Variants in PLD5 observed in about 807,000 individuals in gnomAD.
PLD5 encodes the protein phospholipase D family member 5.
PLD5 carries 36 observed loss-of-function variants against 61.1 expected under a neutral mutation model. That is an observed-to-expected ratio of 0.59 (90% CI 0.45 to 0.78). PLD5 has a LOEUF of 0.78. Among genes scored for constraint, PLD5 ranks in the 30% least tolerant of loss-of-function variants. The pLI, the probability that PLD5 is intolerant of heterozygous loss-of-function variation, is 0.00. For synonymous variants in PLD5, 243 were observed against 242.8 expected, an observed-to-expected ratio of 1.00 and a Z score of -0.01; for missense variants, 515 against 644.4, an observed-to-expected ratio of 0.80 and a Z score of 2.17.
At chr1:242,118,783 CCTGGGGGCTGAGTGGT>C (rs1246739619) in intron 6 of PLD5, among the ~76,000 whole-genome samples, 1 of 152,196 alleles carries the variant, frequency 6.6e-6, no homozygotes, top group Non-Finnish European at 1.5e-5. Flanking sequence ...TCCCCTTGCA[CCTGGGGGCTGAGTGGT>C]ACTTTGCTAT....
At chr1:242,523,278 T>G (rs1436405946) in intron 1 of PLD5, among the ~76,000 whole-genome samples, 1 of 152,168 alleles carries the variant, frequency 6.6e-6, no homozygotes, top group East Asian at 1.9e-4. Flanking sequence ...TTTTAACATT[T>G]GGTTTAAGAA....
At chr1:242,121,844 G>A (rs1029812386) in intron 6 of PLD5, among the ~76,000 whole-genome samples, 1 of 148,466 alleles carries the variant, frequency 6.7e-6, no homozygotes, top group Non-Finnish European at 1.5e-5. Flanking sequence ...CGCAAGGACA[G>A]AAAACCAAAC....
intron 1 of PLD5, among the ~76,000 whole-genome samples, chr1:242,502,234 C>G (rs1668577534): frequency 6.6e-6 from 1 of 152,164 alleles, no homozygotes; most frequent in South Asian, 2.1e-4. Flanking sequence ...TCACCGTGCC[C>G]CTCAAACTCT....
chr1:242,451,751 C>A (rs981636429), intron 1 of PLD5, among the ~76,000 whole-genome samples: 1 of 152,064 alleles, frequency 6.6e-6, no homozygotes, highest in Admixed American at 6.6e-5. Context: ...TGAGCCACCG[C>A]GCCCAGTCTA....
chr1:242,465,122 T>C (rs937844026), intron 1 of PLD5, among the ~76,000 whole-genome samples: 11 of 152,224 alleles, frequency 7.2e-5, no homozygotes, highest in African/African-American at 2.4e-4. Context: ...AATTGTACAT[T>C]GAAATGGCTC....
intron 4 of PLD5, among the ~76,000 whole-genome samples, chr1:242,247,100 C>T (rs1217084304): frequency 6.6e-6 from 1 of 151,800 alleles, no homozygotes; most frequent in East Asian, 1.9e-4. Context: ...TCTCCTGCCT[C>T]AGCCTCCCGT....
At chr1:242,435,678 G>T (rs1479900838) in intron 1 of PLD5, among the ~76,000 whole-genome samples, 1 of 152,168 alleles carries the variant, frequency 6.6e-6, no homozygotes, top group Admixed American at 6.6e-5. Flanking sequence ...GTGACCAGAG[G>T]CTTGGAGAAG....
intron 3 of PLD5, among the ~76,000 whole-genome samples, chr1:242,279,854 T>C (rs1426806383): frequency 6.6e-6 from 1 of 152,198 alleles, no homozygotes; most frequent in Non-Finnish European, 1.5e-5. Flanking sequence ...ACCTAAACCC[T>C]AGAGAGCAAT....
At chr1:242,360,404 G>A (rs1360754825) in intron 1 of PLD5, among the ~76,000 whole-genome samples, 1 of 151,700 alleles carries the variant, frequency 6.6e-6, no homozygotes, top group Non-Finnish European at 1.5e-5. Context: ...TTTAAATTTT[G>A]AAAATGTTTT....
chr1:242,454,057 C>T (rs1403266239), intron 1 of PLD5, among the ~76,000 whole-genome samples: 1 of 152,122 alleles, frequency 6.6e-6, no homozygotes, highest in Non-Finnish European at 1.5e-5. Flanking sequence ...AGGCTGGCTG[C>T]GGTGGCTCAT....
Position 242,098,076 on chromosome 1 carries a change from C to T in PLD5, c.1354+2592G>A, listed in dbSNP as rs188178127. Among the ~76,000 whole-genome samples the T allele has an allele frequency of 1.8e-4, 28 of 152,192 alleles. No individual in the cohort carries two copies. The East Asian group carries it at 5.4e-3, about 29-fold the overall frequency. ...TCTCAAGGAGTATCTTTGTGGCATT[C>T]TCTGTATTTCCTGAATTTGAATGTT... On this transcript the variant is annotated intron_variant, in intron 9 of 9. Coordinates refer to ENST00000536534, the MANE Select transcript of PLD5 (RefSeq NM_001372062.1).
intron 2 of PLD5, among the ~76,000 whole-genome samples, chr1:242,295,371 G>A (rs1279348753): frequency 2.0e-5 from 3 of 152,104 alleles, no homozygotes; most frequent in East Asian, 1.9e-4. Flanking sequence ...TAGCTCTCAC[G>A]TGTAAGTGAG....
At position 242,393,530 on chromosome 1, in the gene PLD5, ATG is replaced by A. The variant is rs1167582377; in HGVS notation, c.190-45290_190-45289del. On this transcript the variant is annotated intron_variant, in intron 1 of 9. Coordinates refer to ENST00000536534, the MANE Select transcript of PLD5 (RefSeq NM_001372062.1). ...TATGAGTATATATATATGTGTATAT[ATG>A]TGAGTATATATATGTGTATATATAT... 3.0e-3 allele frequency among the ~76,000 whole-genome samples: 270 copies of A among 89,968 alleles called. 52 individuals are homozygous for A. The East Asian group carries it at 0.037, about 12-fold the overall frequency. 59.0% of individuals were successfully genotyped at this position (89,968 alleles called of 152,430 possible). A position where few individuals can be genotyped will look rare whatever the true frequency, so the allele number is the denominator to read the frequency against.
rs180698541 is a variant in PLD5, at chr1:242,349,014, A to C, written c.190-772T>G. 6.6e-5 allele frequency among the ~76,000 whole-genome samples: 10 copies of C among 152,334 alleles called. No individual in the cohort carries two copies. In the East Asian group the frequency reaches 1.7e-3, roughly 26 times the overall value. ...GCTTGCAGTGAGCCAAGATCGCACC[A>C]CTGCACTCCAGCCTGGGTGACAGAG... is the stretch of plus-strand genomic sequence containing the variant. On this transcript the variant is annotated intron_variant, in intron 1 of 9. Coordinates refer to ENST00000536534, the MANE Select transcript of PLD5 (RefSeq NM_001372062.1).
At chr1:242,471,982 T>A (rs1374174884) in intron 1 of PLD5, among the ~76,000 whole-genome samples, 1 of 152,228 alleles carries the variant, frequency 6.6e-6, no homozygotes, top group African/African-American at 2.4e-5. Context: ...GACCATCCTT[T>A]TTTAAATTAA....
At chr1:242,435,186 A>G (rs1350132955) in intron 1 of PLD5, among the ~76,000 whole-genome samples, 2 of 151,380 alleles carry the variant, frequency 1.3e-5, no homozygotes, top group South Asian at 2.1e-4. Flanking sequence ...GAATTCACCT[A>G]CTTGCCAAAA....
At chr1:242,448,100 A>G (rs1666622819) in intron 1 of PLD5, among the ~76,000 whole-genome samples, 1 of 152,178 alleles carries the variant, frequency 6.6e-6, no homozygotes, top group African/African-American at 2.4e-5. Flanking sequence ...TTGACTTCTC[A>G]ACAGTTAAGA....
chr1:242,290,754 G>A (rs1420154130), intron 2 of PLD5, among the ~76,000 whole-genome samples: 6 of 151,532 alleles, frequency 4.0e-5, no homozygotes, highest in African/African-American at 1.5e-4. Context: ...AGGTAAAGCA[G>A]AAACAATGAG....
At chr1:242,137,867 CTTTG>C (rs1663865625) in intron 5 of PLD5, among the ~76,000 whole-genome samples, 1 of 152,070 alleles carries the variant, frequency 6.6e-6, no homozygotes, top group African/African-American at 2.4e-5. Context: ...AGGCCAGATG[CTTTG>C]TTTGCCCATT....
Sources: allele counts gnomAD v4.1 joint callset (sites outside exome capture counted in the v4.1 genomes callset), GRCh38; gene constraint gnomAD v4.1.1; transcripts MANE v1.5; gene names NCBI Gene and HGNC (gene_info 2026-07-23, HGNC 2026-07-21).